The following PCDH15 variants were observed in gnomAD, a reference collection of about 807,000 sequenced individuals.
The protein encoded by PCDH15 is protocadherin related 15.
In PCDH15, 129 loss-of-function variants were observed where a neutral mutation model predicts 178.5. The ratio of observed to expected loss-of-function variants is 0.72; its 90% CI spans 0.63 to 0.84. PCDH15 has a LOEUF of 0.84. Among genes scored for constraint, PCDH15 ranks in the 40% least tolerant of loss-of-function variants. PCDH15 has a pLI of 0.00. For synonymous variants in PCDH15, 800 were observed against 732.0 expected, an observed-to-expected ratio of 1.09 and a Z score of -1.50; for missense variants, 2,230 against 2,099.9, an observed-to-expected ratio of 1.06 and a Z score of -1.21.
At position 55,111,532 on chromosome 10, in the gene PCDH15, TA is replaced by T. The variant is rs112529372; in HGVS notation, c.-80+55043del. Among the ~76,000 whole-genome samples, 358 of 148,354 alleles carry T rather than the reference TA, an allele frequency of 2.4e-3. 2 individuals are homozygous for T. Among genetic ancestry groups the T allele is most frequent in the Middle Eastern group, 3.7e-3 (1 of 272 alleles). On this transcript the variant is annotated intron_variant, in intron 2 of 5. Coordinates refer to the PCDH15 transcript ENST00000458638. ...CAATTGGGAGTCCAGAGATACTATT[TA>T]AAAAAAAAAAATTTAAAAAAGTTCT...
chr10:55,485,456 A>T (rs112749056), intron 2 of PCDH15, among the ~76,000 whole-genome samples: 12 of 151,830 alleles, frequency 7.9e-5, no homozygotes, highest in African/African-American at 2.9e-4. Context: ...ATCAAATGAG[A>T]CATTATTTCA....
intron 2 of PCDH15, among the ~76,000 whole-genome samples, chr10:54,611,961 A>G (rs1293326284): frequency 2.0e-5 from 3 of 151,880 alleles, no homozygotes; most frequent in African/African-American, 7.2e-5. Context: ...TATAGAGTGA[A>G]TAAATACAAA....
At chr10:54,660,947 GA>G (rs2094480651) in intron 2 of PCDH15, among the ~76,000 whole-genome samples, 1 of 151,658 alleles carries the variant, frequency 6.6e-6, no homozygotes, top group Non-Finnish European at 1.5e-5. Context: ...ACTAGGCATT[GA>G]AAAAAACATA....
At chr10:55,425,254 T>C (rs72805830) in intron 2 of PCDH15, among the ~76,000 whole-genome samples, 30,319 of 151,886 alleles carry the variant, frequency 0.2, 4,012 homozygotes, top group Non-Finnish European at 0.29. Flanking sequence ...ATTTTCAGTC[T>C]AAGTATTGTT....
chr10:54,720,658 T>C (rs996207636), intron 1 of PCDH15, among the ~76,000 whole-genome samples: 1 of 151,878 alleles, frequency 6.6e-6, no homozygotes, highest in Admixed American at 6.6e-5. Flanking sequence ...ACAACTTTCT[T>C]CACAACAAAG....
At chr10:54,561,853 T>C (rs1268090728) in intron 2 of PCDH15, among the ~76,000 whole-genome samples, 1 of 151,362 alleles carries the variant, frequency 6.6e-6, no homozygotes, top group East Asian at 1.9e-4. Context: ...ATTATTATTA[T>C]TTCTATTTTT....
At chr10:54,910,605 C>G (rs999536902) in intron 2 of PCDH15, among the ~76,000 whole-genome samples, 2 of 152,142 alleles carry the variant, frequency 1.3e-5, no homozygotes, top group African/African-American at 4.8e-5. Context: ...ATCAGATCAC[C>G]TAACTACAAT....
intron 1 of PCDH15, among the ~76,000 whole-genome samples, chr10:54,680,640 T>C (rs555750076): frequency 1.3e-5 from 2 of 152,174 alleles, no homozygotes; most frequent in African/African-American, 4.8e-5. Context: ...TCACGGGGCA[T>C]TTTCCCCCAT....
intron 3 of PCDH15, among the ~76,000 whole-genome samples, chr10:54,835,396 C>T (rs773911477): frequency 6.6e-6 from 1 of 151,862 alleles, no homozygotes; most frequent in Non-Finnish European, 1.5e-5. Context: ...TTATTTCTCT[C>T]TCTCCTTCTC....
Position 53,825,648 on chromosome 10 carries a change from T to C in PCDH15, c.4367+1745A>G, listed in dbSNP as rs967453006. 3.3e-5 allele frequency among the ~76,000 whole-genome samples: 5 copies of C among 151,572 alleles called. No homozygotes were observed. The East Asian group carries it at 9.7e-4, about 29-fold the overall frequency. On this transcript the variant is annotated intron_variant, in intron 32 of 37. Transcript: ENST00000644397. ...CATACGAAGTTATTACTTTGTGAAG[T>C]AGTTTTTCCAAAATGATCTTTGACT...
intron 2 of PCDH15, among the ~76,000 whole-genome samples, chr10:55,569,530 G>A (rs1225042762): frequency 6.6e-6 from 1 of 151,556 alleles, no homozygotes; most frequent in Non-Finnish European, 1.5e-5. Flanking sequence ...TTTCCAAATT[G>A]TATCAAATAC....
At chr10:55,042,554 G>T (rs191091377) in intron 2 of PCDH15, among the ~76,000 whole-genome samples, 1 of 152,142 alleles carries the variant, frequency 6.6e-6, no homozygotes. Context: ...TATGTATTGA[G>T]GCATGTTTTT....
chr10:54,652,234 T>C (rs2094279622), intron 2 of PCDH15, among the ~76,000 whole-genome samples: 1 of 152,216 alleles, frequency 6.6e-6, no homozygotes, highest in Admixed American at 6.5e-5. Context: ...TCTTTGAGAT[T>C]TTCAGTTGCT....
At chr10:55,407,833 G>T (rs1036051307) in intron 2 of PCDH15, among the ~76,000 whole-genome samples, 1 of 152,136 alleles carries the variant, frequency 6.6e-6, no homozygotes, top group Non-Finnish European at 1.5e-5. Flanking sequence ...AAGAAATAAA[G>T]AATCTGAATA....
At chr10:55,568,647 C>T (rs374125617) in intron 2 of PCDH15, among the ~76,000 whole-genome samples, 3 of 151,944 alleles carry the variant, frequency 2.0e-5, no homozygotes, top group Admixed American at 6.6e-5. Flanking sequence ...GACATGTTAT[C>T]GGGACTTCCA....
chr10:55,474,355 C>T (rs1006686240), intron 2 of PCDH15, among the ~76,000 whole-genome samples: 4 of 152,062 alleles, frequency 2.6e-5, no homozygotes, highest in Admixed American at 2.6e-4. Flanking sequence ...TTCATAAATA[C>T]AAATTTATAT....
chr10:54,247,959 T>TATAC (rs1426355910), intron 8 of PCDH15, among the ~76,000 whole-genome samples: 9 of 138,022 alleles, frequency 6.5e-5, no homozygotes, highest in Middle Eastern at 3.7e-3. Flanking sequence ...TATATATATA[T>TATAC]ACACATACAG....
In PCDH15 at chr10:54,995,331, G is replaced by A. The variant is rs1461789354; in HGVS notation, c.-79-97831C>T. On this transcript the variant is annotated intron_variant, in intron 2 of 5. Coordinates refer to the PCDH15 transcript ENST00000458638. The stretch of plus-strand genomic sequence containing the variant: ...TCGGAGTTTGCAGTGAGTAGAGATC[G>A]CATCACTGCACTCCAGCCTGGACGA... Among the ~76,000 whole-genome samples, 7 of 145,258 alleles carry A rather than the reference G, an allele frequency of 4.8e-5. No individual in the cohort carries two copies. In the South Asian group the frequency reaches 1.3e-3, roughly 27 times the overall value.
rs117865372 is a variant in PCDH15, at chr10:54,063,771, C to T, written c.2220+2986G>A. Among the ~76,000 whole-genome samples the T allele has an allele frequency of 1.5e-3, 224 of 152,284 alleles. 3 individuals are homozygous for T. The East Asian group carries it at 0.039, about 26-fold the overall frequency. ...GCAAGTGCAGGGTCTTGTCACTGTG[C>T]ATAGCCACGCACGCTAGCTGCTTTG... On this transcript the variant is annotated intron_variant, in intron 18 of 37. Coordinates refer to ENST00000644397, the MANE Select transcript of PCDH15 (RefSeq NM_001384140.1).
Sources: allele counts gnomAD v4.1 joint callset (sites outside exome capture counted in the v4.1 genomes callset), GRCh38; gene constraint gnomAD v4.1.1; transcripts MANE v1.5; gene names NCBI Gene and HGNC (gene_info 2026-07-23, HGNC 2026-07-21).